FARP1: variants seen among roughly 807,000 people sequenced by gnomAD.
The protein encoded by FARP1 is FERM, ARH/RhoGEF and pleckstrin domain protein 1.
In FARP1, 52 loss-of-function variants were observed where a neutral mutation model predicts 128.8. The observed-to-expected ratio is 0.40, with a 90% confidence interval of 0.32 to 0.51. The LOEUF (loss-of-function observed/expected upper bound fraction) is 0.51, where lower values mean the gene tolerates loss of function less well. Ranked by LOEUF, FARP1 falls within the 20% of genes least tolerant of loss-of-function variation. The probability of loss-of-function intolerance (pLI) is 0.45; values close to 1 mark genes in which losing one functional copy is unlikely to be tolerated. For synonymous variants in FARP1, 580 were observed against 551.8 expected, an observed-to-expected ratio of 1.05 and a Z score of -0.72; for missense variants, 1,333 against 1,367.9, an observed-to-expected ratio of 0.97 and a Z score of 0.40.
chr13:98,347,043 G>A (rs1888206448), intron 3 of FARP1, among the ~76,000 whole-genome samples: 1 of 152,188 alleles, frequency 6.6e-6, no homozygotes, highest in African/African-American at 2.4e-5. Context: ...GTCTATTTTG[G>A]AAGTGCCACA....
chr13:98,395,726 C>T (rs1890510305), intron 13 of FARP1: 1 of 431,722 alleles, frequency 2.3e-6, no homozygotes, highest in East Asian at 3.5e-5. Flanking sequence ...TCCTCCCGGC[C>T]TCCTTCCGGA....
At position 98,384,762 on chromosome 13, in the gene FARP1, A is replaced by G. The variant is rs747859940; in HGVS notation, c.529A>G (p.Arg177Gly). The G allele has an allele frequency of 6.2e-7, 1 of 1,613,616 alleles. No individual in the cohort carries two copies. Among genetic ancestry groups the G allele is most frequent in the Non-Finnish European group, 8.5e-7 (1 of 1,179,528 alleles). The change falls in exon 7 of 27, where the codon AGA becomes GGA. Residue 177 changes from arginine to glycine, a missense_variant. Transcript: ENST00000319562. ...EIGDFDEALD[R>G]EHLAKNKYIP... ...TGGGGATTTTGATGAAGCCTTGGAC[A>G]GAGAGCACTTAGCAAAAAATAAATA...
intron 12 of FARP1, 140 bp from the exon 13 acceptor site, chr13:98,395,087 A>T: frequency 1.1e-6 from 1 of 949,494 alleles, no homozygotes; most frequent in Non-Finnish European, 1.5e-6. Flanking sequence ...GATTGCTGCT[A>T]GGCCAGAGAG....
chr13:98,176,159 T>G lies in FARP1; in HGVS notation c.-24+32667T>G, dbSNP rs771683618. On this transcript the variant is annotated intron_variant, in intron 1 of 26. Coordinates refer to ENST00000319562, the MANE Select transcript of FARP1 (RefSeq NM_005766.4). The surrounding 1 kb of genome is among the most constrained non-coding windows in gnomAD (Gnocchi z 6.2). ...CCCAGTGTACATACAGACTTGAGTCTTTCTTATCTCTTTTTTCCTAAAAGA... is the reference window on the plus strand; with the variant it reads ...CCCAGTGTACATACAGACTTGAGTCGTTCTTATCTCTTTTTTCCTAAAAGA... 8.1e-6 allele frequency: 13 copies of G among 1,608,720 alleles called. 1 individual carries two copies. The South Asian group carries it at 1.4e-4, about 18-fold the overall frequency.
chr13:98,395,678 G>T, intron 13 of FARP1: 1 of 599,434 alleles, frequency 1.7e-6, no homozygotes. Context: ...GAGGGGCGAA[G>T]AGAGGCTGGG....
chr13:98,214,337 C>G (rs927059728), intron 2 of FARP1, among the ~76,000 whole-genome samples: 12 of 152,076 alleles, frequency 7.9e-5, no homozygotes, highest in Admixed American at 7.2e-4. Flanking sequence ...GAACTCTTAA[C>G]ACTCCTCGGA....
intron 26 of FARP1, chr13:98,447,079 G>C (rs867014417): frequency 1.3e-5 from 6 of 455,468 alleles, no homozygotes; most frequent in Non-Finnish European, 1.2e-5. Context: ...CTGACATAAC[G>C]TGTCCGGGAT....
chr13:98,400,508 T>C (rs1475906029), intron 13 of FARP1: 3 of 152,244 alleles, frequency 2.0e-5, no homozygotes, highest in Admixed American at 2.0e-4. Flanking sequence ...AGAATGACTT[T>C]GGTGAAACTG....
intron 2 of FARP1, among the ~76,000 whole-genome samples, chr13:98,278,991 A>ATTTTTTTTT (rs1159451553): frequency 1.5e-5 from 2 of 132,078 alleles, no homozygotes; most frequent in Admixed American, 7.1e-5. Flanking sequence ...ACGCCCTGCT[A>ATTTTTTTTT]ATTTTTTTTT....
At chr13:98,413,925 AT>A (rs562001781) in intron 16 of FARP1, among the ~76,000 whole-genome samples, 1 of 152,178 alleles carries the variant, frequency 6.6e-6, no homozygotes, top group Non-Finnish European at 1.5e-5. Flanking sequence ...GTCTCAGTGC[AT>A]GTGGCAGTTG....
intron 4 of FARP1, among the ~76,000 whole-genome samples, chr13:98,365,732 C>G (rs977674843): frequency 6.6e-6 from 1 of 152,160 alleles, no homozygotes; most frequent in Non-Finnish European, 1.5e-5. Flanking sequence ...CTTGTCTATG[C>G]CATTGTTCCT....
intron 13 of FARP1, chr13:98,406,431 A>G (rs1007923062): frequency 2.0e-5 from 3 of 152,200 alleles, no homozygotes; most frequent in African/African-American, 7.2e-5. Flanking sequence ...CCAGACTTTG[A>G]TATTTATTGG....
intron 4 of FARP1, among the ~76,000 whole-genome samples, chr13:98,366,185 T>C (rs927648924): frequency 6.6e-6 from 1 of 152,148 alleles, no homozygotes; most frequent in African/African-American, 2.4e-5. Context: ...TAGTTGAGCA[T>C]GAAGCTTACA....
At chr13:98,335,832 G>A (rs1444859706) in intron 2 of FARP1, among the ~76,000 whole-genome samples, 1 of 152,208 alleles carries the variant, frequency 6.6e-6, no homozygotes, top group Admixed American at 6.5e-5. Context: ...TATTCTGATA[G>A]GTATCAGTGG....
intron 1 of FARP1, among the ~76,000 whole-genome samples, chr13:98,174,691 T>C (rs1359786010): frequency 6.6e-6 from 1 of 152,190 alleles, no homozygotes; most frequent in Non-Finnish European, 1.5e-5. Flanking sequence ...GTCTGCCTTG[T>C]CGACTATCAA....
intron 6 of FARP1, chr13:98,382,130 G>A (rs1889908496): frequency 6.6e-6 from 1 of 152,194 alleles, no homozygotes. Context: ...GGGAAGCTGA[G>A]GTGGGAGGGT....
intron 2 of FARP1, among the ~76,000 whole-genome samples, chr13:98,281,155 A>G (rs1767103271): frequency 6.6e-6 from 1 of 152,204 alleles, no homozygotes; most frequent in South Asian, 2.1e-4. Flanking sequence ...GGAGTTGGAG[A>G]CTAGCCTGGC....
chr13:98,382,856 T>C (rs1889938547), intron 6 of FARP1, among the ~76,000 whole-genome samples: 1 of 152,230 alleles, frequency 6.6e-6, no homozygotes, highest in South Asian at 2.1e-4. Context: ...GGCGTTGTGC[T>C]GAAGCGCTGT....
chr13:98,175,626 T>C (rs1387060782), intron 1 of FARP1, among the ~76,000 whole-genome samples: 1 of 152,200 alleles, frequency 6.6e-6, no homozygotes, highest in African/African-American at 2.4e-5. Flanking sequence ...AACAGAGCTT[T>C]ATAACTTTTT....
Sources: gnomAD v4.1 joint callset for allele counts (sites outside exome capture counted in the v4.1 genomes callset) on GRCh38, gnomAD v4.1.1 for gene constraint, Gnocchi (gnomAD v3.1) non-coding constraint, MANE v1.5 for transcripts, NCBI Gene and HGNC (gene_info 2026-07-23, HGNC 2026-07-21) for gene names.